STPG2: variants seen among roughly 807,000 people sequenced by gnomAD.
The protein encoded by STPG2 is sperm-tail PG-rich repeat-containing protein 2.
STPG2 carries 56 observed loss-of-function variants against 54.2 expected under a neutral mutation model. That is an observed-to-expected ratio of 1.03 (90% confidence interval 0.83 to 1.29). The LOEUF (loss-of-function observed/expected upper bound fraction) is 1.29. STPG2 is among the 50% of genes most tolerant of loss of function. The pLI is 0.00. For missense variants in STPG2, 596 were observed against 544.9 expected, an observed-to-expected ratio of 1.09 and a Z score of -0.93; for synonymous variants, 200 against 181.8, an observed-to-expected ratio of 1.10 and a Z score of -0.81.
chr4:97,903,856 CG>C (rs1368710695), intron 8 of STPG2, among the ~76,000 whole-genome samples: 1 of 152,164 alleles, frequency 6.6e-6, no homozygotes, highest in Non-Finnish European at 1.5e-5. Context: ...CCTGGAAAAT[CG>C]GGTCACTCCC....
chr4:97,698,673 G>A (rs1219948960), intron 10 of STPG2, among the ~76,000 whole-genome samples: 1 of 152,126 alleles, frequency 6.6e-6, no homozygotes, highest in African/African-American at 2.4e-5. Context: ...GGCTATGGGA[G>A]AAACAATGCC....
At chr4:98,089,908 CTTGT>C (rs1738636382) in intron 5 of STPG2, among the ~76,000 whole-genome samples, 1 of 151,148 alleles carries the variant, frequency 6.6e-6, no homozygotes, top group East Asian at 1.9e-4. Context: ...TTATTTTTTT[CTTGT>C]TTATTTGTTT....
intron 9 of STPG2, among the ~76,000 whole-genome samples, chr4:97,827,206 G>A (rs1353577673): frequency 2.0e-5 from 3 of 150,492 alleles, no homozygotes; most frequent in African/African-American, 7.3e-5. Context: ...TTGTTTTTCA[G>A]AGTTAAGGAA....
At chr4:97,758,143 T>C (rs1453844234) in intron 9 of STPG2, among the ~76,000 whole-genome samples, 1 of 152,034 alleles carries the variant, frequency 6.6e-6, no homozygotes, top group Non-Finnish European at 1.5e-5. Context: ...TCAGGAAAAA[T>C]AATTTTTGTT....
intron 7 of STPG2, among the ~76,000 whole-genome samples, chr4:97,956,915 G>A (rs964793222): frequency 6.6e-6 from 1 of 151,920 alleles, no homozygotes. Flanking sequence ...GACAAAATAA[G>A]GTTCATTAAC....
intron 7 of STPG2, among the ~76,000 whole-genome samples, chr4:97,945,500 G>A (rs1002960557): frequency 1.3e-5 from 2 of 152,032 alleles, no homozygotes; most frequent in African/African-American, 4.8e-5. Context: ...TTGCAATTGT[G>A]AATTTGGCTA....
intron 4 of STPG2, among the ~76,000 whole-genome samples, chr4:97,482,875 C>G (rs755290891): frequency 6.6e-6 from 1 of 151,716 alleles, no homozygotes; most frequent in Non-Finnish European, 1.5e-5. Flanking sequence ...AGAAACCCTA[C>G]AAGCTAGAAG....
At chr4:97,907,954 T>A (rs1429913973) in intron 8 of STPG2, among the ~76,000 whole-genome samples, 1 of 152,172 alleles carries the variant, frequency 6.6e-6, no homozygotes, top group Non-Finnish European at 1.5e-5. Context: ...GGTCATAGGC[T>A]TGGGCAAGGT....
chr4:98,039,568 G>A (rs1280704516), intron 5 of STPG2, among the ~76,000 whole-genome samples: 1 of 150,426 alleles, frequency 6.6e-6, no homozygotes, highest in African/African-American at 2.4e-5. Context: ...ATGAGGGATG[G>A]GTGCAATGCA....
rs117873200 is a variant in STPG2 at position 97,514,622 on chromosome 4, A to G, written c.462+198077T>C. Among the ~76,000 whole-genome samples the G allele has an allele frequency of 3.8e-3, 583 of 152,244 alleles. 26 individuals are homozygous for G. The East Asian group carries it at 0.099, about 26-fold the overall frequency. ...AACTGAATCATTTACATATATCCTT[A>G]TATTTTATTAGCTTCAAGGGTATAG... On this transcript the variant is annotated intron_variant, in intron 4 of 4. Coordinates refer to the STPG2 transcript ENST00000522676.
intron 3 of STPG2, among the ~76,000 whole-genome samples, chr4:98,115,390 G>A (rs1451422317): frequency 6.6e-6 from 1 of 151,870 alleles, no homozygotes; most frequent in Non-Finnish European, 1.5e-5. Flanking sequence ...AGTTACCTGG[G>A]CTCTTCTAAA....
At chr4:97,447,136 T>C (rs1729243076) in intron 4 of STPG2, among the ~76,000 whole-genome samples, 1 of 152,096 alleles carries the variant, frequency 6.6e-6, no homozygotes, top group Admixed American at 6.5e-5. Flanking sequence ...GGAACTGGAG[T>C]AAAGATTACT....
In STPG2 at chr4:97,638,695, G is replaced by C. The variant is rs1721651774; in HGVS notation, c.1320+74004C>G. Among the ~76,000 whole-genome samples, 16 of 145,448 alleles carry C rather than the reference G, an allele frequency of 1.1e-4. No individual in the cohort carries two copies. The South Asian group carries it at 2.7e-3, about 24-fold the overall frequency. Reference sequence around the variant, plus strand: ...AAAAAGTGGGCGAAGGACATGAACAGACACTTCTCAAAAGAAGACATTTAT... The same window carrying C: ...AAAAAGTGGGCGAAGGACATGAACACACACTTCTCAAAAGAAGACATTTAT... On this transcript the variant is annotated intron_variant, in intron 10 of 10. Transcript: ENST00000295268.
chr4:98,010,020 T>A (rs1439080871), intron 5 of STPG2, among the ~76,000 whole-genome samples: 1 of 152,078 alleles, frequency 6.6e-6, no homozygotes, highest in African/African-American at 2.4e-5. Context: ...TCTGGCTAAA[T>A]GTGTGTTGAT....
chr4:98,056,753 C>A (rs181498281), intron 5 of STPG2, among the ~76,000 whole-genome samples: 2 of 152,218 alleles, frequency 1.3e-5, no homozygotes, highest in East Asian at 3.9e-4. Context: ...GTGGTTGGAT[C>A]ATGGGGGCAG....
chr4:97,957,554 C>T (rs1319233784), intron 7 of STPG2, among the ~76,000 whole-genome samples: 3 of 152,048 alleles, frequency 2.0e-5, no homozygotes, highest in South Asian at 2.1e-4. Flanking sequence ...CATCCAAATA[C>T]AAGAAGCTGA....
intron 5 of STPG2, among the ~76,000 whole-genome samples, chr4:98,062,305 A>AGGGT (rs1288788068): frequency 6.6e-6 from 1 of 152,120 alleles, no homozygotes; most frequent in Non-Finnish European, 1.5e-5. Context: ...TTGTAGGTGG[A>AGGGT]GGGTGGGAGG....
intron 6 of STPG2, among the ~76,000 whole-genome samples, chr4:97,975,809 T>C (rs1287305382): frequency 1.3e-5 from 2 of 152,156 alleles, no homozygotes; most frequent in South Asian, 4.1e-4. Flanking sequence ...TCAGTGTTTG[T>C]CCAAGAACAA....
chr4:97,740,537 C>G (rs909423347), intron 9 of STPG2, among the ~76,000 whole-genome samples: 1 of 151,944 alleles, frequency 6.6e-6, no homozygotes, highest in Non-Finnish European at 1.5e-5. Flanking sequence ...AATCAATGTA[C>G]AAAAATCACA....
Sources: gnomAD v4.1 joint callset for allele counts (sites outside exome capture counted in the v4.1 genomes callset) on GRCh38, gnomAD v4.1.1 for gene constraint, MANE v1.5 for transcripts, NCBI Gene and HGNC (gene_info 2026-07-23, HGNC 2026-07-21) for gene names.